Variants in RBM26 observed in about 807,000 individuals in gnomAD.
The protein encoded by RBM26 is RNA binding motif protein 26, also known as RNA-binding protein 26.
A neutral mutation model predicts 123.6 loss-of-function variants in RBM26; 30 were observed. The observed-to-expected ratio is 0.24, with a 90% confidence interval of 0.18 to 0.33. The LOEUF is 0.33. RBM26 is among the 10% of genes least tolerant of loss of function. The pLI is 1.00. For synonymous variants in RBM26, 400 were observed against 404.4 expected (o/e 0.99, Z 0.13); for missense variants, 947 against 1,203.6 (o/e 0.79, Z 3.15).
chr13:79,401,200 G>A (rs1465113795), intron 1 of RBM26, among the ~76,000 whole-genome samples: 1 of 152,070 alleles, frequency 6.6e-6, no homozygotes, highest in African/African-American at 2.4e-5. Context: ...TGGTGAGAAA[G>A]GTGTAGTAAC....
rs934631379 is a variant in RBM26 at position 79,358,867 on chromosome 13, C to G, written c.1530-434G>C. ...TTGATGACAGTCTCAACCTCTTTCCCGCTTTATTTAAAAAAAGAAAAAAAG... is the reference window on the plus strand; with the variant it reads ...TTGATGACAGTCTCAACCTCTTTCCGGCTTTATTTAAAAAAAGAAAAAAAG... On this transcript the variant is annotated intron_variant, in intron 10 of 21. Coordinates refer to ENST00000438737, the MANE Select transcript of RBM26 (RefSeq NM_001366735.2). Among the ~76,000 whole-genome samples, 3 of 151,796 alleles carry G rather than the reference C, an allele frequency of 2.0e-5. No individual in the cohort carries two copies. In the East Asian group the frequency reaches 5.8e-4, roughly 29 times the overall value.
intron 19 of RBM26, 48 bp downstream of exon 19, chr13:79,337,054 C>T (rs776818484): frequency 1.3e-6 from 2 of 1,513,286 alleles, no homozygotes; most frequent in South Asian, 2.3e-5. Context: ...GTCTACTATC[C>T]CCAATGATGA....
In RBM26 at chr13:79,366,729, G is replaced by T. The variant is rs1186789236; in HGVS notation, c.1039C>A (p.Pro347Thr). 1 of 1,612,036 alleles carries T rather than the reference G, an allele frequency of 6.2e-7. No homozygotes were observed. The highest frequency in any genetic ancestry group is 8.5e-7 in the Non-Finnish European group (1 of 1,178,862). ...GGTGTAAGAATTGGTGGAGGTGGGGGGAGTCCAGGAGGAGGTGGTCCTTCA... is the reference window on the plus strand; with the variant it reads ...GGTGTAAGAATTGGTGGAGGTGGGGTGAGTCCAGGAGGAGGTGGTCCTTCA... Reference protein sequence around the residue: ...VVEGPPPPGLPPPPPILTPPP... With the variant: ...VVEGPPPPGLTPPPPILTPPP... The change falls in exon 7 of 22, where the codon CCC (proline) becomes ACC (threonine). Residue 347 changes from proline (P) to threonine (T), a missense_variant. Transcript: ENST00000438737.
rs536647706 is a variant in RBM26 at position 79,397,834 on chromosome 13, C to A, written c.71+7870G>T. Among the ~76,000 whole-genome samples, 5 of 151,852 alleles carry A rather than the reference C, an allele frequency of 3.3e-5. No individual in the cohort carries two copies. The South Asian group carries it at 1.0e-3, about 32-fold the overall frequency. On this transcript the variant is annotated intron_variant, in intron 1 of 21. Transcript: ENST00000438737. ...TTGGTAAAATTTCAGAATTCAACGT[C>A]AATATACAAATATATTTCTATATAC...
chr13:79,404,755 A>C (rs1451774369), intron 1 of RBM26, among the ~76,000 whole-genome samples: 2 of 152,208 alleles, frequency 1.3e-5, no homozygotes, highest in African/African-American at 4.8e-5. Context: ...TCCTTGACCA[A>C]TGTGAAATAG....
Position 79,358,386 on chromosome 13 carries a change from T to A in RBM26, c.1577A>T (p.Gln526Leu). The A allele has an allele frequency of 6.2e-7, 1 of 1,611,598 alleles. No homozygotes were observed. The highest frequency in any genetic ancestry group is 1.1e-5 in the South Asian group (1 of 90,062). ...TNSPGFQKKVQFGNENTKLEL... is the reference protein window; with the variant it reads ...TNSPGFQKKVLFGNENTKLEL... ...AAGCTTGGTATTTTCATTTCCAAAT[T>A]GAACCTTCTTCTGAAAGCCTGGGCT... The change falls in exon 11 of 22, where the codon CAA becomes CTA. Residue 526 changes from glutamine (Q) to leucine (L), a missense_variant. Physicochemically the swap from Gln to Leu is moderately radical, Grantham distance 113. Coordinates refer to ENST00000438737, the MANE Select transcript of RBM26 (RefSeq NM_001366735.2).
chr13:79,375,552 T>C (rs1041399669), intron 3 of RBM26, among the ~76,000 whole-genome samples: 3 of 152,138 alleles, frequency 2.0e-5, no homozygotes, highest in Middle Eastern at 3.4e-3. Context: ...CCATTGCATA[T>C]CTCTATGTTG....
chr13:79,327,261 A>T (rs1183550357), intron 20 of RBM26, among the ~76,000 whole-genome samples: 6 of 149,998 alleles, frequency 4.0e-5, no homozygotes, highest in Non-Finnish European at 8.9e-5. Flanking sequence ...AGACCACTGC[A>T]CTCTAGCCTG....
At chr13:79,375,096 T>TTATATATCATATAAATATATATTTA (rs1555332782) in intron 3 of RBM26, among the ~76,000 whole-genome samples, 42,535 of 94,322 alleles carry the variant, frequency 0.45, 7,757 homozygotes, top group Non-Finnish European at 0.59. Context: ...AAATATATAT[T>TTATATATCATATAAATATATATTTA]TATATATATC....
At position 79,321,493 on chromosome 13, in the gene RBM26, A is replaced by C. The variant is rs2138366358; in HGVS notation, c.2935-783T>G. On this transcript the variant is annotated intron_variant, in intron 21 of 21. Coordinates refer to ENST00000438737, the MANE Select transcript of RBM26 (RefSeq NM_001366735.2). ...ATTTATTAACTTAAACTTTTTCCTAAAGTTTATTTTGTGATTAAGTAAGAG... is the reference window on the plus strand; with the variant it reads ...ATTTATTAACTTAAACTTTTTCCTACAGTTTATTTTGTGATTAAGTAAGAG... Among the ~76,000 whole-genome samples the C allele has an allele frequency of 1.3e-5, 2 of 151,336 alleles. 1 individual carries two copies. Among genetic ancestry groups the C allele is most frequent in the South Asian group, 4.2e-4 (2 of 4,816 alleles).
chr13:79,365,955 G>T (rs1035402882), intron 8 of RBM26, 100 bp downstream of exon 8: 1 of 1,191,370 alleles, frequency 8.4e-7, no homozygotes, highest in Non-Finnish European at 1.2e-6. Context: ...TAATTTTAGT[G>T]AGAAAAGTAG....
chr13:79,373,173 A>G (rs1172734111), intron 3 of RBM26, among the ~76,000 whole-genome samples: 1 of 110,420 alleles, frequency 9.1e-6, no homozygotes, highest in African/African-American at 3.7e-5. Flanking sequence ...ATATTTATAT[A>G]AATTTTTATA....
chr13:79,353,850 A>C (rs948173794), intron 13 of RBM26, among the ~76,000 whole-genome samples: 7 of 152,182 alleles, frequency 4.6e-5, no homozygotes, highest in African/African-American at 1.7e-4. Context: ...AGAGACTGAG[A>C]ATGTAGAAAC....
At chr13:79,386,155 T>C (rs538869891) in intron 1 of RBM26, among the ~76,000 whole-genome samples, 1 of 151,060 alleles carries the variant, frequency 6.6e-6, no homozygotes, top group South Asian at 2.1e-4. Context: ...CTGAGAAGAG[T>C]GACCAAGTTT....
intron 17 of RBM26, 137 bp from the exon 18 acceptor site, chr13:79,341,364 C>A: frequency 2.0e-6 from 1 of 500,052 alleles, no homozygotes; most frequent in South Asian, 3.3e-5. Flanking sequence ...TAATCCAAGC[C>A]AAAATACTCC....
chr13:79,403,281 G>A (rs1417496344), intron 1 of RBM26, among the ~76,000 whole-genome samples: 2 of 152,034 alleles, frequency 1.3e-5, no homozygotes, highest in African/African-American at 4.8e-5. Context: ...CATTAGAAAA[G>A]GACCAATTAC....
chr13:79,330,032 G>T (rs979082895), intron 20 of RBM26, among the ~76,000 whole-genome samples: 1 of 152,164 alleles, frequency 6.6e-6, no homozygotes, highest in Non-Finnish European at 1.5e-5. Context: ...AAGTTGTAGC[G>T]AGTGAAATAT....
chr13:79,380,239 CA>C (rs1255881620), intron 1 of RBM26, among the ~76,000 whole-genome samples: 3 of 152,038 alleles, frequency 2.0e-5, no homozygotes, highest in Non-Finnish European at 2.9e-5. Context: ...AAAATCCACA[CA>C]AAAGAATGAC....
At chr13:79,359,760 C>T in intron 9 of RBM26, 74 bp from the exon 10 acceptor site, 1 of 568,624 alleles carries the variant, frequency 1.8e-6, no homozygotes, top group Non-Finnish European at 2.8e-6. Flanking sequence ...ATACCTTCCT[C>T]ATACAGGAAA....
Sources: allele counts gnomAD v4.1 joint callset (sites outside exome capture counted in the v4.1 genomes callset), GRCh38; gene constraint gnomAD v4.1.1; transcripts MANE v1.5; gene names NCBI Gene and HGNC (gene_info 2026-07-23, HGNC 2026-07-21).